The following LHX2 variants were observed in gnomAD, a reference collection of about 807,000 sequenced individuals.
LHX2 encodes LIM homeobox 2.
A neutral mutation model predicts 33.0 loss-of-function variants in LHX2; 6 were observed. The observed-to-expected ratio is 0.18, with a 90% CI of 0.10 to 0.36. The LOEUF (loss-of-function observed/expected upper bound fraction) is 0.36. Among genes scored for constraint, LHX2 ranks in the 10% least tolerant of loss-of-function variants. LHX2 has a pLI of 1.00. For synonymous variants in LHX2, 292 were observed against 253.1 expected, an observed-to-expected ratio of 1.15 and a Z score of -1.46; for missense variants, 442 against 586.2, an observed-to-expected ratio of 0.75 and a Z score of 2.54.
rs951281436 is a variant in LHX2 at position 124,024,887 on chromosome 9, CA to C, written c.933+3585del. Among the ~76,000 whole-genome samples the C allele has an allele frequency of 7.3e-4, 111 of 152,242 alleles. 1 individual carries two copies. The highest frequency in any genetic ancestry group is 2.4e-3 in the African/African-American group (101 of 41,542). ...GGTCTGAAATTTCCAAAGCTCTTTCCAATATTGCACACGAAGGGATTTTGAC... is the reference window on the plus strand; with the variant it reads ...GGTCTGAAATTTCCAAAGCTCTTTCCATATTGCACACGAAGGGATTTTGAC... On this transcript the variant is annotated intron_variant, in intron 4 of 4. Transcript: ENST00000373615.
Position 124,014,279 on chromosome 9 carries a change from TCC to T in LHX2, c.323+120_323+121del, listed in dbSNP as rs1859146757. 1.6e-6 allele frequency: 1 copy of T among 617,336 alleles called. No homozygotes were observed. The highest frequency in any genetic ancestry group is 3.0e-6 in the Non-Finnish European group (1 of 333,536). The allele number at this position is 617,336 out of a possible 1,614,324, so 38.2% of individuals were successfully genotyped here. Reference sequence around the variant, plus strand: ...CAGGAGAGGGTTCACTACTCAGGACTCCCCCGCTCCCCCCCCAAGTTCTCCAA... The same window carrying T: ...CAGGAGAGGGTTCACTACTCAGGACTCCCGCTCCCCCCCCAAGTTCTCCAA... On this transcript the variant is annotated intron_variant, in intron 2 of 4. Transcript: ENST00000373615. The surrounding 1 kb of genome is among the most constrained non-coding windows in gnomAD (Gnocchi z 4.8).
rs1453653020 is a variant in LHX2 at position 124,016,120 on chromosome 9, G to A, written c.727+595G>A. 1.3e-5 allele frequency among the ~76,000 whole-genome samples: 2 copies of A among 152,174 alleles called. No homozygotes were observed. Among genetic ancestry groups the A allele is most frequent in the East Asian group, 1.9e-4 (1 of 5,196 alleles). On this transcript the variant is annotated intron_variant, in intron 3 of 4. Transcript: ENST00000373615. This position sits in a 1 kb window ranked among gnomAD's most constrained non-coding sequence, Gnocchi z 4.4. ...TTAAAGACAGGTCTCAGTTTTCCCGGACTTTTTCCTCCGAGTTTCCTGGCG... is the reference window on the plus strand; with the variant it reads ...TTAAAGACAGGTCTCAGTTTTCCCGAACTTTTTCCTCCGAGTTTCCTGGCG...
At chr9:124,019,516 G>A (rs1444787314) in intron 3 of LHX2, among the ~76,000 whole-genome samples, 1 of 152,154 alleles carries the variant, frequency 6.6e-6, no homozygotes, top group Non-Finnish European at 1.5e-5. Flanking sequence ...TAAGTGTCCC[G>A]TGTAATATTT....
intron 1 of LHX2, among the ~76,000 whole-genome samples, chr9:124,013,409 C>T (rs948648050): frequency 8.5e-5 from 13 of 152,214 alleles, no homozygotes; most frequent in African/African-American, 3.1e-4. Flanking sequence ...CCAAGAGGGC[C>T]CCAGCCCGTG....
intron 4 of LHX2, among the ~76,000 whole-genome samples, chr9:124,030,414 G>T (rs991338438): frequency 6.6e-6 from 1 of 152,124 alleles, no homozygotes; most frequent in East Asian, 1.9e-4. Flanking sequence ...GGCTTCTGGC[G>T]GGTGTTTTCC....
Position 124,032,573 on chromosome 9 carries a change from A to T in LHX2, c.1087A>T (p.Thr363Ser). The change falls in exon 5 of 5, where the codon ACG (threonine) becomes TCG (serine). Residue 363 changes from threonine to serine, a missense_variant. Coordinates refer to ENST00000373615, the MANE Select transcript of LHX2 (RefSeq NM_004789.4). This position sits in a 1 kb window ranked among gnomAD's most constrained non-coding sequence, Gnocchi z 4.1. ...CAACGCCTCGCTCAGCCCCTCCAGCACGCCCACCACCCTGACAGACTTGAC... is the reference window on the plus strand; with the variant it reads ...CAACGCCTCGCTCAGCCCCTCCAGCTCGCCCACCACCCTGACAGACTTGAC... ...LSNASLSPSS[T>S]PTTLTDLTSP... is the part of the protein sequence containing the mutation. The T allele has an allele frequency of 6.2e-7, 1 of 1,614,006 alleles. No individual in the cohort carries two copies. The highest frequency in any genetic ancestry group is 8.5e-7 in the Non-Finnish European group (1 of 1,179,992).
chr9:124,018,211 C>T (rs1289100398), intron 3 of LHX2, among the ~76,000 whole-genome samples: 1 of 151,252 alleles, frequency 6.6e-6, no homozygotes, highest in East Asian at 1.9e-4. Flanking sequence ...TAACAGATCA[C>T]GAGTAAATTA....
At chr9:124,029,740 G>A (rs1828682584) in intron 4 of LHX2, among the ~76,000 whole-genome samples, 1 of 152,228 alleles carries the variant, frequency 6.6e-6, no homozygotes, top group Non-Finnish European at 1.5e-5. Context: ...ACTGCTCTGA[G>A]AGTCAGACGC....
Position 124,032,487 on chromosome 9 carries a change from A to G in LHX2, c.1001A>G (p.Asp334Gly). ...NLLRQENTGV[D>G]KSTDAALQTG... is the part of the protein sequence containing the mutation. ...TTACGGCAGGAAAACACGGGCGTGGACAAGTCGACAGACGCGGCGCTGCAG... is the reference window on the plus strand; with the variant it reads ...TTACGGCAGGAAAACACGGGCGTGGGCAAGTCGACAGACGCGGCGCTGCAG... The change falls in exon 5 of 5, where the codon GAC becomes GGC. Residue 334 changes from aspartate to glycine, a missense_variant. Asp to Gly is a moderately conservative substitution (Grantham distance 94, BLOSUM62 -1). Coordinates refer to ENST00000373615, the MANE Select transcript of LHX2 (RefSeq NM_004789.4). The surrounding 1 kb of genome is among the most constrained non-coding windows in gnomAD (Gnocchi z 4.1). 6.2e-7 allele frequency: 1 copy of G among 1,611,874 alleles called. No individual in the cohort carries two copies. The highest frequency in any genetic ancestry group is 8.5e-7 in the Non-Finnish European group (1 of 1,179,864).
intron 3 of LHX2, among the ~76,000 whole-genome samples, chr9:124,019,372 G>C (rs1311386509): frequency 2.0e-5 from 3 of 152,258 alleles, no homozygotes; most frequent in East Asian, 1.9e-4. Context: ...TTTGGAGGTA[G>C]TGTGGCCAGG....
rs975241056 is a variant in LHX2, at chr9:124,012,830, G to T, written c.120+362G>T. On this transcript the variant is annotated intron_variant, in intron 1 of 4. Transcript: ENST00000373615. This position sits in a 1 kb window ranked among gnomAD's most constrained non-coding sequence, Gnocchi z 4.3. ...CTCGGCTCCGGTTGCTGGCGGCGCC[G>T]CGAGCGGCGCCAGGGAAGGGCGAAC... Among the ~76,000 whole-genome samples the T allele has an allele frequency of 5.3e-5, 8 of 152,306 alleles. No homozygotes were observed. The highest frequency in any genetic ancestry group is 1.9e-4 in the African/African-American group (8 of 41,572).
chr9:124,024,715 G>T (rs1023298993), intron 4 of LHX2, among the ~76,000 whole-genome samples: 133 of 152,210 alleles, frequency 8.7e-4, no homozygotes, highest in Non-Finnish European at 1.1e-3. Flanking sequence ...ACACAGTACA[G>T]TTCATTCTGC....
chr9:124,032,179 C>G lies in LHX2; in HGVS notation c.934-241C>G, dbSNP rs1033276336. On this transcript the variant is annotated intron_variant, in intron 4 of 4. Coordinates refer to ENST00000373615, the MANE Select transcript of LHX2 (RefSeq NM_004789.4). This position sits in a 1 kb window ranked among gnomAD's most constrained non-coding sequence, Gnocchi z 4.1. ...ATCGCTTGATCCCAGGAGTTAGAAG[C>G]TGCAGTGAGTCGAGATTGTGTCACT... is the stretch of plus-strand genomic sequence containing the variant. The G allele has an allele frequency of 4.3e-6, 2 of 464,068 alleles. No homozygotes were observed. The highest frequency in any genetic ancestry group is 4.0e-5 in the African/African-American group (2 of 49,728). 28.7% of individuals were successfully genotyped at this position (464,068 alleles called of 1,614,324 possible).
chr9:124,021,415 T>C (rs1859291277), intron 4 of LHX2, 111 bp downstream of exon 4: 6 of 862,486 alleles, frequency 7.0e-6, no homozygotes, highest in Non-Finnish European at 8.9e-6. Context: ...TCTGCTTCTC[T>C]GTGTGTTTAA....
chr9:124,021,193 G>A lies in LHX2; in HGVS notation c.822G>A (p.Lys274=), dbSNP rs1209537397. 12 of 1,614,204 alleles carry A rather than the reference G, an allele frequency of 7.4e-6. No individual in the cohort carries two copies. In the South Asian group the frequency reaches 8.8e-5, roughly 12 times the overall value. The change falls in exon 4 of 5, where the codon AAG becomes AAA. Residue 274 remains lysine (K), a synonymous_variant. Transcript: ENST00000373615. Reference sequence around the variant, plus strand: ...CCAAGCGCATGCGCACGTCCTTCAAGCACCACCAGCTTCGGACCATGAAGT... The same window carrying A: ...CCAAGCGCATGCGCACGTCCTTCAAACACCACCAGCTTCGGACCATGAAGT... ...QKTKRMRTSF[K]HHQLRTMKSY...
chr9:124,012,236 G>A lies in LHX2; in HGVS notation c.-113G>A. On this transcript the variant is annotated 5_prime_UTR_variant, in exon 1 of 5. Coordinates refer to ENST00000373615, the MANE Select transcript of LHX2 (RefSeq NM_004789.4). This position sits in a 1 kb window ranked among gnomAD's most constrained non-coding sequence, Gnocchi z 4.3. ...TCAGCCGAGCTCGGGCGGGGCCGGG[G>A]CCGCGGTGGCGATGCACCGGGCCCG... 1 of 1,118,172 alleles carries A rather than the reference G, an allele frequency of 8.9e-7. No homozygotes were observed. Among genetic ancestry groups the A allele is most frequent in the Non-Finnish European group, 1.1e-6 (1 of 885,788 alleles). The allele number at this position is 1,118,172 out of a possible 1,614,324, so 69.3% of individuals were successfully genotyped here. A position where few individuals can be genotyped will look rare whatever the true frequency, so the allele number is the denominator to read the frequency against.
chr9:124,028,626 A>G (rs1243084166), intron 4 of LHX2, among the ~76,000 whole-genome samples: 1 of 152,190 alleles, frequency 6.6e-6, no homozygotes, highest in Non-Finnish European at 1.5e-5. Flanking sequence ...CCACTGCACT[A>G]TAGTTGCTTC....
chr9:124,031,190 G>A (rs1040923802), intron 4 of LHX2, among the ~76,000 whole-genome samples: 4 of 152,056 alleles, frequency 2.6e-5, no homozygotes, highest in African/African-American at 2.4e-5. Context: ...TTTGGCTGCC[G>A]TTCCCACGCT....
At position 124,012,173 on chromosome 9, in the gene LHX2, C is replaced by A; in HGVS notation, c.-176C>A. 1 of 438,322 alleles carries A rather than the reference C, an allele frequency of 2.3e-6. No individual in the cohort carries two copies. Among genetic ancestry groups the A allele is most frequent in the Non-Finnish European group, 3.3e-6 (1 of 300,624 alleles). The allele number at this position is 438,322 out of a possible 1,614,324, so 27.2% of individuals were successfully genotyped here. A position where few individuals can be genotyped will look rare whatever the true frequency, so the allele number is the denominator to read the frequency against. ...TGCGCCTCGGCGGGAGGCGTCCTGC[C>A]CCGCGAGCGCCCGGGGCCCGGAGCC... On this transcript the variant is annotated 5_prime_UTR_variant, in exon 1 of 5. Coordinates refer to ENST00000373615, the MANE Select transcript of LHX2 (RefSeq NM_004789.4). The surrounding 1 kb of genome is among the most constrained non-coding windows in gnomAD (Gnocchi z 4.3).
Sources: gnomAD v4.1 joint callset for allele counts (sites outside exome capture counted in the v4.1 genomes callset) on GRCh38, gnomAD v4.1.1 for gene constraint, Gnocchi (gnomAD v3.1) non-coding constraint, MANE v1.5 for transcripts, NCBI Gene and HGNC (gene_info 2026-07-23, HGNC 2026-07-21) for gene names.